The following MBNL2 variants were observed in gnomAD, a reference collection of about 807,000 sequenced individuals.
MBNL2 encodes muscleblind like splicing regulator 2, also known as muscleblind-like protein 2.
In MBNL2, 17 loss-of-function variants were observed where a neutral mutation model predicts 41.9. That is an observed-to-expected ratio of 0.41 (90% CI 0.28 to 0.61). The LOEUF is 0.61. MBNL2 is among the 20% of genes least tolerant of loss of function. MBNL2 has a pLI of 0.35. For missense variants in MBNL2, 336 were observed against 505.6 expected, an observed-to-expected ratio of 0.66 and a Z score of 3.22; for synonymous variants, 195 against 182.9, an observed-to-expected ratio of 1.07 and a Z score of -0.53.
intron 2 of MBNL2, among the ~76,000 whole-genome samples, chr13:97,283,630 A>G (rs958195921): frequency 2.0e-5 from 3 of 152,214 alleles, no homozygotes; most frequent in African/African-American, 4.8e-5. Flanking sequence ...GCAGGGTTTC[A>G]TGTTTGCTTC....
chr13:97,260,176 A>G (rs1412194301), intron 1 of MBNL2, among the ~76,000 whole-genome samples: 3 of 152,326 alleles, frequency 2.0e-5, no homozygotes, highest in South Asian at 2.1e-4. Context: ...CCTCCAAGCT[A>G]TGTGACTATC....
At chr13:97,325,866 A>G (rs1030574940) in intron 2 of MBNL2, among the ~76,000 whole-genome samples, 1 of 152,204 alleles carries the variant, frequency 6.6e-6, no homozygotes, top group African/African-American at 2.4e-5. Context: ...CACAAAATTA[A>G]TGTCAGGGGC....
chr13:97,189,033 G>C, the MBNL2 span, among the ~76,000 whole-genome samples: 1 of 151,958 alleles, frequency 6.6e-6, no homozygotes, highest in Non-Finnish European at 1.5e-5. Flanking sequence ...GTCACTCCAG[G>C]GTGGACAATG....
At chr13:97,276,593 A>T (rs1484299743) in intron 2 of MBNL2, among the ~76,000 whole-genome samples, 184 bp downstream of exon 2, 1 of 152,106 alleles carries the variant, frequency 6.6e-6, no homozygotes, top group Non-Finnish European at 1.5e-5. Flanking sequence ...TTTTTTACAT[A>T]CCCATGTTTA....
the MBNL2 span, among the ~76,000 whole-genome samples, chr13:97,210,303 C>A: frequency 0.48 from 73,720 of 152,048 alleles, 21,557 homozygotes; most frequent in Non-Finnish European, 0.64. Context: ...AAAATGTCAT[C>A]TGTGTTTCTT....
intron 3 of MBNL2, among the ~76,000 whole-genome samples, chr13:97,339,184 G>A (rs2061186617): frequency 1.8e-4 from 2 of 11,060 alleles, no homozygotes; most frequent in South Asian, 5.8e-3. Context: ...AGTATGTATT[G>A]TGTATATGAG....
chr13:97,322,949 T>C (rs1025896619), intron 2 of MBNL2, among the ~76,000 whole-genome samples: 1 of 151,890 alleles, frequency 6.6e-6, no homozygotes, highest in South Asian at 2.1e-4. Flanking sequence ...GGCTTAACTC[T>C]TTGATTGCTG....
rs757277156 is a variant in MBNL2, at chr13:97,337,126, A to T, written c.339+2686A>T. On this transcript the variant is annotated intron_variant, in intron 3 of 8. Coordinates refer to ENST00000679496, the MANE Select transcript of MBNL2 (RefSeq NM_001382683.1). ...GATCCTGAGGGTGGAGCCCTCATGA[A>T]TGGAATCAGTGCCCTTATAAGAAAA... 1.0e-3 allele frequency among the ~76,000 whole-genome samples: 158 copies of T among 152,212 alleles called. 2 individuals carry two copies. Among genetic ancestry groups the T allele is most frequent in the Non-Finnish European group, 6.6e-4 (45 of 68,008 alleles).
the MBNL2 span, among the ~76,000 whole-genome samples, chr13:97,210,273 T>G: frequency 6.6e-6 from 1 of 152,340 alleles, no homozygotes; most frequent in Admixed American, 6.5e-5. Flanking sequence ...TAAAAATAAC[T>G]TTAAGATTCA....
chr13:97,384,433 A>G (rs1410432006), intron 8 of MBNL2, among the ~76,000 whole-genome samples: 5 of 152,200 alleles, frequency 3.3e-5, no homozygotes, highest in South Asian at 2.1e-4. Context: ...GTTTGCTTCA[A>G]CTGAAAGATC....
intron 3 of MBNL2, among the ~76,000 whole-genome samples, chr13:97,338,691 T>C (rs1347113207): frequency 2.6e-5 from 4 of 152,096 alleles, no homozygotes; most frequent in African/African-American, 9.7e-5. Flanking sequence ...AAGAAGCAAG[T>C]GTGAGCGACC....
At chr13:97,329,655 C>CA (rs369944836) in intron 2 of MBNL2, among the ~76,000 whole-genome samples, 38 of 206 alleles carry the variant, frequency 0.18, 2 homozygotes, top group East Asian at 0.75. Flanking sequence ...ACAATACACA[C>CA]ACATGCAGCA....
intron 1 of MBNL2, among the ~76,000 whole-genome samples, chr13:97,260,143 G>A (rs1408445345): frequency 6.6e-6 from 1 of 152,202 alleles, no homozygotes; most frequent in African/African-American, 2.4e-5. Flanking sequence ...TATTACATCA[G>A]GAAAGACTGC....
the MBNL2 span, among the ~76,000 whole-genome samples, chr13:97,154,449 G>A: frequency 2.6e-5 from 4 of 152,100 alleles, no homozygotes; most frequent in African/African-American, 9.6e-5. Context: ...CGAGTAGCTG[G>A]GACTACAGGC....
upstream of MBNL2, among the ~76,000 whole-genome samples, chr13:97,217,582 G>T (rs79663221): frequency 8.2e-3 from 1,253 of 152,162 alleles, 15 homozygotes; most frequent in African/African-American, 0.029. Context: ...AGGAATCCAG[G>T]CTCTAAATTA....
the MBNL2 span, among the ~76,000 whole-genome samples, chr13:97,203,883 T>C: frequency 1.3e-5 from 2 of 149,184 alleles, no homozygotes; most frequent in African/African-American, 2.4e-5. Flanking sequence ...AATGGATGGA[T>C]GGATGGATGG....
the MBNL2 span, among the ~76,000 whole-genome samples, chr13:97,152,779 G>C: frequency 6.6e-6 from 1 of 152,140 alleles, no homozygotes; most frequent in Admixed American, 6.6e-5. Flanking sequence ...TCTCAGGAAT[G>C]TAATGGAGAA....
chr13:97,380,762 A>G (rs1456775240), intron 8 of MBNL2, among the ~76,000 whole-genome samples: 2 of 152,074 alleles, frequency 1.3e-5, no homozygotes, highest in Non-Finnish European at 2.9e-5. Flanking sequence ...GAAATACAAG[A>G]TAATGTGGGA....
At chr13:97,156,095 G>T in the MBNL2 span, among the ~76,000 whole-genome samples, 5 of 110,288 alleles carry the variant, frequency 4.5e-5, no homozygotes, top group Non-Finnish European at 7.3e-5. Flanking sequence ...CATTCTAACT[G>T]GTGTGAGATG....
Sources: gnomAD v4.1 joint callset for allele counts (sites outside exome capture counted in the v4.1 genomes callset) on GRCh38, gnomAD v4.1.1 for gene constraint, MANE v1.5 for transcripts, NCBI Gene and HGNC (gene_info 2026-07-23, HGNC 2026-07-21) for gene names.